The following ANO3 variants were observed in gnomAD, a reference collection of about 807,000 sequenced individuals.
The protein encoded by ANO3 is anoctamin 3, also known as anoctamin-3.
ANO3 carries 99 observed loss-of-function variants against 144.8 expected under a neutral mutation model. That is an observed-to-expected ratio of 0.68 (90% CI 0.58 to 0.81). The LOEUF is 0.81. Among genes scored for constraint, ANO3 ranks in the 30% least tolerant of loss-of-function variants. The pLI is 0.00. For missense variants in ANO3, 905 were observed against 1,202.2 expected (o/e 0.75, Z 3.66); for synonymous variants, 414 against 392.6 (o/e 1.05, Z -0.64).
intron 1 of ANO3, among the ~76,000 whole-genome samples, chr11:26,220,538 A>G (rs897015641): frequency 6.6e-6 from 1 of 152,212 alleles, no homozygotes; most frequent in Non-Finnish European, 1.5e-5. Context: ...AGGCTAAAAG[A>G]AAGTTTAGAG....
intron 1 of ANO3, among the ~76,000 whole-genome samples, chr11:26,189,654 A>T (rs1408659981): frequency 6.6e-6 from 1 of 152,170 alleles, no homozygotes; most frequent in African/African-American, 2.4e-5. Flanking sequence ...TGACCGATGA[A>T]ATCAGGAATC....
intron 12 of ANO3, among the ~76,000 whole-genome samples, chr11:26,548,320 C>T (rs1369538918): frequency 6.6e-6 from 1 of 151,818 alleles, no homozygotes; most frequent in Non-Finnish European, 1.5e-5. Flanking sequence ...AAGAGTCACC[C>T]TAGCATTAAA....
At chr11:26,467,811 G>C (rs527495549) in intron 4 of ANO3, among the ~76,000 whole-genome samples, 1 of 151,694 alleles carries the variant, frequency 6.6e-6, no homozygotes, top group Non-Finnish European at 1.5e-5. Context: ...CTTACCTCTT[G>C]ACAAAAGGCT....
At chr11:26,571,975 G>T in intron 14 of ANO3, 2 of 598,220 alleles carry the variant, frequency 3.3e-6, no homozygotes, top group Non-Finnish European at 4.2e-6. Flanking sequence ...AAATAATCAA[G>T]GAAGAGAGAG....
chr11:26,544,565 TG>T (rs1245177741), intron 11 of ANO3, among the ~76,000 whole-genome samples: 1 of 134,144 alleles, frequency 7.5e-6, no homozygotes, highest in Non-Finnish European at 1.6e-5. Flanking sequence ...ATTTTATGCT[TG>T]AAAATTGCTG....
chr11:26,359,308 A>T (rs1286921583), intron 1 of ANO3, among the ~76,000 whole-genome samples: 1 of 152,096 alleles, frequency 6.6e-6, no homozygotes, highest in Non-Finnish European at 1.5e-5. Context: ...CTCACTATGG[A>T]GACAAGGCTT....
intron 1 of ANO3, among the ~76,000 whole-genome samples, chr11:26,386,773 A>G (rs1019068372): frequency 2.0e-5 from 3 of 152,204 alleles, no homozygotes; most frequent in African/African-American, 7.2e-5. Flanking sequence ...ACAAGAGAAA[A>G]CAACTAAATA....
At chr11:26,224,448 T>C (rs900601421) in intron 1 of ANO3, among the ~76,000 whole-genome samples, 2 of 152,246 alleles carry the variant, frequency 1.3e-5, no homozygotes. Context: ...TGCTATAGTT[T>C]CCCTATTTGC....
At chr11:26,443,107 A>G (rs966723080) in intron 2 of ANO3, among the ~76,000 whole-genome samples, 2 of 152,136 alleles carry the variant, frequency 1.3e-5, no homozygotes, top group African/African-American at 4.8e-5. Flanking sequence ...TCTTATAAGA[A>G]TGCAGTCCCT....
At chr11:26,231,427 G>A (rs1852397777) in intron 1 of ANO3, among the ~76,000 whole-genome samples, 1 of 152,160 alleles carries the variant, frequency 6.6e-6, no homozygotes, top group Admixed American at 6.5e-5. Context: ...TTTGGATGGA[G>A]ATTAAGTAGG....
chr11:26,267,682 A>G (rs1853345079), intron 1 of ANO3, among the ~76,000 whole-genome samples: 1 of 152,192 alleles, frequency 6.6e-6, no homozygotes, highest in East Asian at 1.9e-4. Flanking sequence ...TTTCAAATTC[A>G]GCATTAGCTA....
At chr11:26,642,679 C>T (rs1312948633) in intron 22 of ANO3, among the ~76,000 whole-genome samples, 2 of 152,072 alleles carry the variant, frequency 1.3e-5, no homozygotes, top group Non-Finnish European at 2.9e-5. Context: ...GTTAAGAAAC[C>T]TACCATTCTA....
chr11:26,511,848 G>C (rs117554013), intron 5 of ANO3, among the ~76,000 whole-genome samples: 16,854 of 152,066 alleles, frequency 0.11, 1,309 homozygotes, highest in Admixed American at 0.16. Flanking sequence ...CCACAGCATA[G>C]ATCAATTAAA....
Position 26,474,048 on chromosome 11 carries a change from G to T in ANO3, c.432+10900G>T, listed in dbSNP as rs934861510. The T allele has an allele frequency of 6.1e-6, 6 of 985,074 alleles. No homozygotes were observed. In the Admixed American group the frequency reaches 2.5e-4, roughly 41 times the overall value. 61.0% of individuals were successfully genotyped at this position (985,074 alleles called of 1,614,324 possible). On this transcript the variant is annotated intron_variant, in intron 4 of 26. Transcript: ENST00000256737. Reference sequence around the variant, plus strand: ...ACTTTCAGTTGTCACACTGAAGAGTGCTTTAAAGAAGATTGTCATTTGAGA... The same window carrying T: ...ACTTTCAGTTGTCACACTGAAGAGTTCTTTAAAGAAGATTGTCATTTGAGA...
At chr11:26,266,701 G>A (rs1853316510) in intron 1 of ANO3, among the ~76,000 whole-genome samples, 1 of 151,524 alleles carries the variant, frequency 6.6e-6, no homozygotes, top group Non-Finnish European at 1.5e-5. Flanking sequence ...CCAAAGTGCT[G>A]GGATTACAGG....
chr11:26,244,114 C>G lies in ANO3; in HGVS notation c.154+54784C>G, dbSNP rs3114676. 9.6e-4 allele frequency among the ~76,000 whole-genome samples: 108 copies of G among 112,358 alleles called. 2 individuals are homozygous for G. The East Asian group carries it at 0.017, about 18-fold the overall frequency. 73.7% of individuals were successfully genotyped at this position (112,358 alleles called of 152,430 possible). The stretch of plus-strand genomic sequence containing the variant: ...CCTCAGCAACATAGCAAGACTCTGT[C>G]TGAAAAAAAAAAAAAAAGAAAAGAA... On this transcript the variant is annotated intron_variant, in intron 1 of 27. Coordinates refer to the ANO3 transcript ENST00000672621.
chr11:26,503,538 G>A (rs1384940339), intron 4 of ANO3, among the ~76,000 whole-genome samples: 1 of 152,106 alleles, frequency 6.6e-6, no homozygotes, highest in African/African-American at 2.4e-5. Flanking sequence ...TAATTCAGAA[G>A]AGGTTTCCAA....
intron 3 of ANO3, among the ~76,000 whole-genome samples, chr11:26,456,330 C>A (rs1258908548): frequency 1.3e-5 from 2 of 152,124 alleles, no homozygotes; most frequent in East Asian, 3.8e-4. Flanking sequence ...CCTCATCTGA[C>A]AAAGGGCTAA....
At chr11:26,248,241 G>A (rs986323423) in intron 1 of ANO3, among the ~76,000 whole-genome samples, 3 of 152,108 alleles carry the variant, frequency 2.0e-5, no homozygotes, top group African/African-American at 7.2e-5. Flanking sequence ...GGGAGGCTGA[G>A]GCAGGAGAAT....
Sources: gnomAD v4.1 joint callset for allele counts (sites outside exome capture counted in the v4.1 genomes callset) on GRCh38, gnomAD v4.1.1 for gene constraint, MANE v1.5 for transcripts, NCBI Gene and HGNC (gene_info 2026-07-23, HGNC 2026-07-21) for gene names.